Variants in SPAG17 observed in about 807,000 individuals in gnomAD.
SPAG17 encodes sperm-associated antigen 17.
SPAG17 carries 169 observed loss-of-function variants against 273.6 expected under a neutral mutation model. That is an observed-to-expected ratio of 0.62 (90% CI 0.55 to 0.70). SPAG17 has a LOEUF of 0.70. SPAG17 is among the 30% of genes least tolerant of loss of function. The pLI is 0.00. For synonymous variants in SPAG17, 825 were observed against 873.2 expected (o/e 0.94, Z 0.97); for missense variants, 2,557 against 2,627.8 (o/e 0.97, Z 0.59).
chr1:118,068,396 G>A (rs561720384), intron 17 of SPAG17, among the ~76,000 whole-genome samples: 3 of 151,930 alleles, frequency 2.0e-5, no homozygotes, highest in East Asian at 3.9e-4. Context: ...ACTTACTGAT[G>A]TTTTTTTGAA....
chr1:117,960,109 CGTGTGTGTGTGTGTGTGTGTGT>C (rs3059173), intron 48 of SPAG17: 3 of 144,406 alleles, frequency 2.1e-5, no homozygotes, highest in African/African-American at 5.3e-5. Flanking sequence ...TTAATACACT[CGTGTGTGTGTGTGTGTGTGTGT>C]GTGTGTGTGT....
At chr1:117,988,335 T>G (rs2101630366) in intron 38 of SPAG17, 131 bp from the exon 39 acceptor site, 1 of 535,918 alleles carries the variant, frequency 1.9e-6, no homozygotes, top group South Asian at 4.6e-5. Context: ...TTACTAGGAC[T>G]TACATGACCA....
Position 118,015,969 on chromosome 1 carries a change from C to G in SPAG17, c.4283G>C (p.Gly1428Ala). ...LSFQATDPVN[G>A]TVMTTREDKV... Reference sequence around the variant, plus strand: ...ATAAACAATAGTTTGTCATACCGTTCCATTGACAGGATCTGTGGCCTGAAA... The same window carrying G: ...ATAAACAATAGTTTGTCATACCGTTGCATTGACAGGATCTGTGGCCTGAAA... The change falls in exon 29 of 49, where the codon GGA (glycine) becomes GCA (alanine). Residue 1428 changes from glycine to alanine, a missense_variant. Transcript: ENST00000336338. 6.2e-7 allele frequency: 1 copy of G among 1,613,770 alleles called. No individual in the cohort carries two copies. The highest frequency in any genetic ancestry group is 1.3e-5 in the African/African-American group (1 of 75,020).
intron 3 of SPAG17, among the ~76,000 whole-genome samples, chr1:118,119,019 T>C (rs79297841): frequency 0.011 from 1,718 of 152,274 alleles, 30 homozygotes; most frequent in African/African-American, 0.04. Flanking sequence ...AGCATTCCTC[T>C]TCTCTCTAGA....
Position 118,012,054 on chromosome 1 carries a change from A to C in SPAG17, c.4432+174T>G, listed in dbSNP as rs201942216. On this transcript the variant is annotated intron_variant, in intron 30 of 48. Coordinates refer to ENST00000336338, the MANE Select transcript of SPAG17 (RefSeq NM_206996.4). ...AAAATAAGTAATGATGATAATAATA[A>C]TACTACTAAATCCTTATAGACCCTG... is the stretch of plus-strand genomic sequence containing the variant. Among the ~76,000 whole-genome samples, 30 of 152,226 alleles carry C rather than the reference A, an allele frequency of 2.0e-4. No homozygotes were observed. The East Asian group carries it at 2.3e-3, about 12-fold the overall frequency.
chr1:118,150,268 A>T (rs192196963), intron 3 of SPAG17: 6 of 243,924 alleles, frequency 2.5e-5, no homozygotes, highest in Admixed American at 5.5e-5. Flanking sequence ...GTGTCTATAG[A>T]AGTTTCTGAT....
chr1:118,041,831 TG>T lies in SPAG17; in HGVS notation c.3025del (p.His1009ThrfsTer7). The T allele has an allele frequency of 6.2e-7, 1 of 1,613,464 alleles. No individual in the cohort carries two copies. Among genetic ancestry groups the T allele is most frequent in the Non-Finnish European group, 8.5e-7 (1 of 1,179,768 alleles). ...KIQEVTEESPHQPEPKITYPF... is the reference protein window; with the variant it reads ...KIQEVTEESPXQPEPKITYPF... Reference sequence around the variant, plus strand: ...GTAAGTTATCTTAGGTTCTGGTTGGTGGGGGGACTCTTCTGTTACTTCTTGG... The same window carrying T: ...GTAAGTTATCTTAGGTTCTGGTTGGTGGGGGACTCTTCTGTTACTTCTTGG... On this transcript the variant is annotated frameshift_variant, in exon 21 of 49. Coordinates refer to ENST00000336338, the MANE Select transcript of SPAG17 (RefSeq NM_206996.4). LOFTEE classifies it high-confidence loss of function.
At chr1:118,182,282 G>T (rs1570843263) in intron 1 of SPAG17, among the ~76,000 whole-genome samples, 1 of 152,220 alleles carries the variant, frequency 6.6e-6, no homozygotes, top group East Asian at 1.9e-4. Flanking sequence ...GCTTCCAGGG[G>T]GTGAGGAGAG....
intron 43 of SPAG17, among the ~76,000 whole-genome samples, chr1:117,979,540 C>T (rs1655530209): frequency 6.6e-6 from 1 of 152,118 alleles, no homozygotes; most frequent in Non-Finnish European, 1.5e-5. Context: ...TTTCTCACTC[C>T]TCCCTTTCCT....
At chr1:118,111,553 A>C (rs796837904) in intron 4 of SPAG17, among the ~76,000 whole-genome samples, 46 of 135,858 alleles carry the variant, frequency 3.4e-4, no homozygotes, top group African/African-American at 1.3e-3. Context: ...CTTTTAAAAC[A>C]ACACACACAC....
chr1:118,009,464 G>A (rs1384227478), intron 30 of SPAG17, among the ~76,000 whole-genome samples: 1 of 152,138 alleles, frequency 6.6e-6, no homozygotes, highest in Non-Finnish European at 1.5e-5. Flanking sequence ...AGGTTCAGAA[G>A]AGTGGAAGGC....
rs144895351 is a variant in SPAG17, at chr1:117,991,738, G to C, written c.5362-210C>G. Among the ~76,000 whole-genome samples, 460 of 152,260 alleles carry C rather than the reference G, an allele frequency of 3.0e-3. 3 individuals carry two copies. Among genetic ancestry groups the C allele is most frequent in the African/African-American group, 0.011 (447 of 41,542 alleles). On this transcript the variant is annotated intron_variant, in intron 36 of 48. Transcript: ENST00000336338. ...GAGAAGTGCAAAAGCAAAGCTTTAA[G>C]GGCCACAGGATAGAACTGCATGGGG...
intron 38 of SPAG17, among the ~76,000 whole-genome samples, chr1:117,990,575 T>G (rs952915181): frequency 2.6e-5 from 4 of 152,186 alleles, no homozygotes; most frequent in Non-Finnish European, 1.5e-5. Context: ...TCATTATAGT[T>G]GAGGCTAACA....
intron 20 of SPAG17, 80 bp from the exon 21 acceptor site, chr1:118,042,122 A>ATT: frequency 6.7e-7 from 1 of 1,492,930 alleles, no homozygotes; most frequent in Non-Finnish European, 9.0e-7. Context: ...TTTGAAGAAT[A>ATT]TTTAACATGA....
At position 117,969,505 on chromosome 1, in the gene SPAG17, G is replaced by GGAGGCAGAGGTTGCAGT. The variant is rs558630792; in HGVS notation, c.6387+534_6387+550dup. ...GAGGCAGGAGAAGTGCTTGCACCCA[G>GGAGGCAGAGGTTGCAGT]GAGGCAGAGGTTGCAGTGAGCTGAG... On this transcript the variant is annotated intron_variant, in intron 46 of 48. Transcript: ENST00000336338. 1.9e-3 allele frequency among the ~76,000 whole-genome samples: 282 copies of GGAGGCAGAGGTTGCAGT among 152,232 alleles called. 2 individuals are homozygous for GGAGGCAGAGGTTGCAGT. Among genetic ancestry groups the GGAGGCAGAGGTTGCAGT allele is most frequent in the African/African-American group, 6.6e-3 (275 of 41,540 alleles).
chr1:118,129,189 C>T (rs766397653), intron 3 of SPAG17, among the ~76,000 whole-genome samples: 5 of 152,214 alleles, frequency 3.3e-5, no homozygotes, highest in South Asian at 2.1e-4. Flanking sequence ...TGGACTTCTA[C>T]GTCTGCATGC....
At position 118,081,181 on chromosome 1, in the gene SPAG17, A is replaced by C; in HGVS notation, c.2129T>G (p.Leu710Arg). The C allele has an allele frequency of 6.2e-7, 1 of 1,613,940 alleles. No individual in the cohort carries two copies. Among genetic ancestry groups the C allele is most frequent in the Non-Finnish European group, 8.5e-7 (1 of 1,179,966 alleles). ...TCTATTATCAGGGACTGAGAGTTTG[A>C]GATTATTCAAGTCAGAATGCTTCAT... ...NNMKHSDLNNLKLSVPDNRQL... is the reference protein window; with the variant it reads ...NNMKHSDLNNRKLSVPDNRQL... Residue 710 changes from leucine (L) to arginine (R), a missense_variant, in exon 15 of 49, where the codon CTC becomes CGC. Transcript: ENST00000336338.
intron 15 of SPAG17, among the ~76,000 whole-genome samples, chr1:118,078,182 C>A (rs577035980): frequency 6.6e-6 from 1 of 152,214 alleles, no homozygotes; most frequent in Non-Finnish European, 1.5e-5. Flanking sequence ...TTTCGACCCA[C>A]CTCTAGATTA....
At chr1:118,000,316 G>C (rs1465131740) in intron 32 of SPAG17, among the ~76,000 whole-genome samples, 1 of 152,080 alleles carries the variant, frequency 6.6e-6, no homozygotes, top group African/African-American at 2.4e-5. Flanking sequence ...GCTCTTTCTT[G>C]GTTCCATATA....
Sources: allele counts gnomAD v4.1 joint callset (sites outside exome capture counted in the v4.1 genomes callset), GRCh38; gene constraint gnomAD v4.1.1; transcripts MANE v1.5; gene names NCBI Gene and HGNC (gene_info 2026-07-23, HGNC 2026-07-21).